The following TRMT1L variants were observed in gnomAD, a reference collection of about 807,000 sequenced individuals.
The protein encoded by TRMT1L is tRNA methyltransferase 1L.
Under a neutral mutation model 81.6 loss-of-function variants are expected in TRMT1L, and 28 were observed. The observed-to-expected ratio is 0.34, with a 90% CI of 0.25 to 0.47. TRMT1L has a LOEUF of 0.47. Ranked by LOEUF, TRMT1L falls within the 20% of genes least tolerant of loss-of-function variation. The probability of loss-of-function intolerance (pLI) is 1.00; values close to 1 mark genes in which losing one functional copy is unlikely to be tolerated. For missense variants in TRMT1L, 739 were observed against 877.1 expected (o/e 0.84, Z 1.99); for synonymous variants, 301 against 303.2 (o/e 0.99, Z 0.07).
In TRMT1L at chr1:185,128,715, G is replaced by T; in HGVS notation, c.1546C>A (p.His516Asn). 4.3e-6 allele frequency: 7 copies of T among 1,611,002 alleles called. No individual in the cohort carries two copies. Among genetic ancestry groups the T allele is most frequent in the Non-Finnish European group, 5.9e-6 (7 of 1,179,128 alleles). Reference protein sequence around the residue: ...NPYRQLPCNCHGSMPGKTAIE... With the variant: ...NPYRQLPCNCNGSMPGKTAIE... ...GCTGTCTTTCCAGGCATGCTTCCAT[G>T]ACAGTTACAAGGCAGCTGTCTATAT... The change falls in exon 11 of 15, where the codon CAT becomes AAT. Residue 516 changes from histidine to asparagine, a missense_variant. Around this residue, in one of 4 missense-constraint regions of TRMT1L, gnomAD observed 331 missense variants for 462.2 expected, o/e 0.72. Transcript: ENST00000367506.
intron 10 of TRMT1L, among the ~76,000 whole-genome samples, chr1:185,132,018 G>A (rs546076368): frequency 6.6e-6 from 1 of 152,042 alleles, no homozygotes; most frequent in African/African-American, 2.4e-5. Context: ...GCACAGGCCT[G>A]CAGTCCCAGC....
chr1:185,126,348 G>A (rs1222037844), intron 11 of TRMT1L, among the ~76,000 whole-genome samples: 11 of 152,104 alleles, frequency 7.2e-5, no homozygotes. Flanking sequence ...AGGCTAGAGT[G>A]CACTGGCGCA....
chr1:185,139,374 C>A lies in TRMT1L; in HGVS notation c.1315G>T (p.Val439Leu), dbSNP rs1024081713. 1.9e-6 allele frequency: 3 copies of A among 1,612,946 alleles called. No homozygotes were observed. Among genetic ancestry groups the A allele is most frequent in the Non-Finnish European group, 2.5e-6 (3 of 1,179,344 alleles). The change falls in exon 9 of 15, where the codon GTG (valine) becomes TTG (leucine). Residue 439 changes from valine to leucine, a missense_variant. By Grantham distance (32) the Val-to-Leu change is conservative (BLOSUM62 1). This residue lies in a region of TRMT1L where 331 missense variants were observed against 462.2 expected (regional missense o/e 0.72). Coordinates refer to ENST00000367506, the MANE Select transcript of TRMT1L (RefSeq NM_030934.5). ...CTGTTGGCAATTTGGTACCTTGCCA[C>A]TGCAGCTACAACAATTCTGGCTGCT... Reference protein sequence around the residue: ...ELAARIVVAAVARAAARCNKG... With the variant: ...ELAARIVVAALARAAARCNKG...
intron 7 of TRMT1L, among the ~76,000 whole-genome samples, chr1:185,142,270 T>A (rs143412840): frequency 7.2e-5 from 11 of 152,288 alleles, no homozygotes; most frequent in African/African-American, 1.7e-4. Context: ...CATACAACTA[T>A]CAAAGCGATA....
At chr1:185,127,824 AATAAT>A (rs1316754148) in intron 11 of TRMT1L, among the ~76,000 whole-genome samples, 1 of 151,932 alleles carries the variant, frequency 6.6e-6, no homozygotes, top group Non-Finnish European at 1.5e-5. Flanking sequence ...TTCTGATTAA[AATAAT>A]TTGGCCAGGC....
rs1387170103 is a variant in TRMT1L at position 185,119,884 on chromosome 1, C to T, written c.*135G>A. 1.8e-6 allele frequency: 2 copies of T among 1,126,950 alleles called. No individual in the cohort carries two copies. The highest frequency in any genetic ancestry group is 2.5e-5 in the Admixed American group (1 of 40,268). The allele number at this position is 1,126,950 out of a possible 1,614,324, so 69.8% of individuals were successfully genotyped here. On this transcript the variant is annotated 3_prime_UTR_variant, in exon 15 of 15. Transcript: ENST00000367506. ...CAAACCAGCTAAGTTAGAAACTGCTCAGTTTCTGAATGAAAATGACACTGT... is the reference window on the plus strand; with the variant it reads ...CAAACCAGCTAAGTTAGAAACTGCTTAGTTTCTGAATGAAAATGACACTGT...
chr1:185,135,186 C>T (rs112001337), intron 10 of TRMT1L, among the ~76,000 whole-genome samples: 2 of 151,944 alleles, frequency 1.3e-5, no homozygotes, highest in African/African-American at 2.4e-5. Flanking sequence ...GAGGCCAAGG[C>T]GGGCGGATTG....
chr1:185,143,597 AT>A (rs1213360637), intron 6 of TRMT1L, among the ~76,000 whole-genome samples, 161 bp from the exon 7 acceptor site: 1 of 152,170 alleles, frequency 6.6e-6, no homozygotes, highest in Non-Finnish European at 1.5e-5. Flanking sequence ...AGAACTAAAA[AT>A]ATGTGAAATT....
chr1:185,132,021 G>A (rs1206230692), intron 10 of TRMT1L, among the ~76,000 whole-genome samples: 1 of 151,620 alleles, frequency 6.6e-6, no homozygotes, highest in Non-Finnish European at 1.5e-5. Context: ...CAGGCCTGCA[G>A]TCCCAGCTAC....
At position 185,139,836 on chromosome 1, in the gene TRMT1L, T is replaced by A. The variant is rs192723128; in HGVS notation, c.1109+137A>T. The stretch of plus-strand genomic sequence containing the variant: ...AATACTAGAAAATTTTCATACTGCA[T>A]ACCTTAGGCCAATGTCAAAAAATGG... On this transcript the variant is annotated intron_variant, in intron 8 of 14. Transcript: ENST00000367506. 5 of 1,041,494 alleles carry A rather than the reference T, an allele frequency of 4.8e-6. No homozygotes were observed. The African/African-American group carries it at 4.9e-5, about 10-fold the overall frequency. The allele number at this position is 1,041,494 out of a possible 1,614,324, so 64.5% of individuals were successfully genotyped here.
chr1:185,144,036 T>C lies in TRMT1L; in HGVS notation c.656-7A>G, dbSNP rs200301185. The C allele has an allele frequency of 1.5e-4, 234 of 1,564,512 alleles. No homozygotes were observed. Among genetic ancestry groups the C allele is most frequent in the Non-Finnish European group, 1.8e-4 (211 of 1,159,388 alleles). Reference sequence around the variant, plus strand: ...GGTGGTTTAGCAGTGGAAGCTAAGATGGAAAAAAGAAAAGATTTCCAGGGA... The same window carrying C: ...GGTGGTTTAGCAGTGGAAGCTAAGACGGAAAAAAGAAAAGATTTCCAGGGA... On this transcript the variant is annotated splice_region_variant and splice_polypyrimidine_tract_variant and intron_variant, in intron 5 of 14. Transcript: ENST00000367506.
chr1:185,142,876 G>A (rs11803974), intron 7 of TRMT1L, among the ~76,000 whole-genome samples: 147 of 152,184 alleles, frequency 9.7e-4, no homozygotes, highest in African/African-American at 3.4e-3. Context: ...AGACATACCA[G>A]ACACCTGAAA....
chr1:185,137,741 G>A lies in TRMT1L; in HGVS notation c.1378C>T (p.His460Tyr). Residue 460 changes from histidine (H) to tyrosine (Y), a missense_variant, in exon 10 of 15, where the codon CAT becomes TAT. His to Tyr is a moderately conservative substitution (Grantham distance 83). Transcript: ENST00000367506. ...IEVLFAVALE[H>Y]FVLVVVRVLR... ...ACTCTCACAACTACCAACACAAAAT[G>A]TTCCAGAGCCACTGCAAACAGTACT... 4 of 1,614,030 alleles carry A rather than the reference G, an allele frequency of 2.5e-6. No homozygotes were observed. Among genetic ancestry groups the A allele is most frequent in the Non-Finnish European group, 3.4e-6 (4 of 1,180,006 alleles).
At chr1:185,151,268 T>C (rs1395215972) in intron 2 of TRMT1L, among the ~76,000 whole-genome samples, 2 of 152,198 alleles carry the variant, frequency 1.3e-5, no homozygotes, top group African/African-American at 4.8e-5. Flanking sequence ...TACATACCTG[T>C]CAGCTCATAT....
chr1:185,151,642 T>G (rs949226179), intron 2 of TRMT1L, among the ~76,000 whole-genome samples, 183 bp downstream of exon 2: 11 of 152,168 alleles, frequency 7.2e-5, no homozygotes, highest in Non-Finnish European at 1.3e-4. Context: ...GTAAAATAAC[T>G]TATTTCCATA....
At chr1:185,140,975 A>AT (rs1653023142) in intron 7 of TRMT1L, among the ~76,000 whole-genome samples, 1 of 151,702 alleles carries the variant, frequency 6.6e-6, no homozygotes, top group Admixed American at 6.6e-5. Flanking sequence ...ATCTCAAAAA[A>AT]AAAAAAAAAA....
At position 185,123,862 on chromosome 1, in the gene TRMT1L, G is replaced by T; in HGVS notation, c.1817C>A (p.Ala606Glu). 1 of 1,507,224 alleles carries T rather than the reference G, an allele frequency of 6.6e-7. No homozygotes were observed. 93.4% of individuals were successfully genotyped at this position (1,507,224 alleles called of 1,614,324 possible). ...TDDTTTDNYI[A>E]QGKRKSNEMI... is the part of the protein sequence containing the mutation. ...ACACATATATGCATACATACCTTGT[G>T]CAATGTAATTATCTGTTGTGGTGTC... is the stretch of plus-strand genomic sequence containing the variant. Residue 606 changes from alanine (A) to glutamate (E), a missense_variant, in exon 13 of 15, where the codon GCA (alanine) becomes GAA (glutamate). By Grantham distance (107) the Ala-to-Glu change is moderately radical. Coordinates refer to ENST00000367506, the MANE Select transcript of TRMT1L (RefSeq NM_030934.5).
intron 1 of TRMT1L, among the ~76,000 whole-genome samples, chr1:185,154,814 T>C (rs958051414): frequency 6.6e-6 from 1 of 152,268 alleles, no homozygotes; most frequent in African/African-American, 2.4e-5. Context: ...ACAATCTGTA[T>C]GCAAAATACT....
intron 5 of TRMT1L, among the ~76,000 whole-genome samples, chr1:185,144,232 C>T (rs1468492085): frequency 6.6e-6 from 1 of 151,966 alleles, no homozygotes; most frequent in Non-Finnish European, 1.5e-5. Flanking sequence ...ATTCAGCACT[C>T]TCTACAAAAG....
Sources: allele counts gnomAD v4.1 joint callset (sites outside exome capture counted in the v4.1 genomes callset), GRCh38; gene constraint gnomAD v4.1.1; regional missense constraint gnomAD v4.1.1; transcripts MANE v1.5; gene names NCBI Gene and HGNC (gene_info 2026-07-23, HGNC 2026-07-21).